Variants in FYB2 observed in about 807,000 individuals in gnomAD.
FYB2 encodes FYN-binding protein 2.
A neutral mutation model predicts 94.1 loss-of-function variants in FYB2; 103 were observed. That is an observed-to-expected ratio of 1.09 (90% confidence interval 0.93 to 1.29). The LOEUF (loss-of-function observed/expected upper bound fraction) is 1.29, where lower values mean the gene tolerates loss of function less well. Among genes scored for constraint, FYB2 ranks in the 50% most tolerant of loss-of-function variants. FYB2 has a pLI of 0.00. For missense variants in FYB2, 896 were observed against 841.5 expected, an observed-to-expected ratio of 1.06 and a Z score of -0.80; for synonymous variants, 293 against 287.9, an observed-to-expected ratio of 1.02 and a Z score of -0.18.
intron 15 of FYB2, 75 bp from the exon 16 acceptor site, chr1:56,726,658 G>A (rs956557588): frequency 8.4e-7 from 1 of 1,195,824 alleles, no homozygotes; most frequent in Non-Finnish European, 1.2e-6. Flanking sequence ...CACTTCATGG[G>A]CAATTATGTT....
intron 1 of FYB2, among the ~76,000 whole-genome samples, chr1:56,797,744 A>G (rs982465046): frequency 1.3e-5 from 2 of 152,112 alleles, no homozygotes; most frequent in Non-Finnish European, 2.9e-5. Context: ...TCCTAAAATA[A>G]TTTCTTGTAA....
At chr1:56,811,548 C>G (rs772034373) in intron 1 of FYB2, among the ~76,000 whole-genome samples, 9 of 152,164 alleles carry the variant, frequency 5.9e-5, no homozygotes, top group Non-Finnish European at 1.2e-4. Context: ...AGCCCTTGCT[C>G]CAGGTGGACC....
intron 1 of FYB2, among the ~76,000 whole-genome samples, chr1:56,795,574 G>T (rs917947383): frequency 2.6e-5 from 4 of 151,034 alleles, no homozygotes; most frequent in Admixed American, 6.6e-5. Context: ...CATAGCAACT[G>T]CACCATTTTA....
At chr1:56,819,903 G>A (rs1398185611), upstream of FYB2, among the ~76,000 whole-genome samples, 2 of 152,188 alleles carry the variant, frequency 1.3e-5, no homozygotes, top group South Asian at 2.1e-4. Flanking sequence ...TTGGCCTGGT[G>A]TTTATTGAGG....
chr1:56,819,019 T>C (rs1047725272), intron 1 of FYB2, among the ~76,000 whole-genome samples: 3 of 152,192 alleles, frequency 2.0e-5, no homozygotes, highest in African/African-American at 7.2e-5. Context: ...TGGGTAGAGC[T>C]AGGCCACATG....
Position 56,792,538 on chromosome 1 carries a change from T to C in FYB2, c.275A>G (p.Asn92Ser). ...AGACTTTCCCAGAGGCCCTGGGGAG[T>C]TAGAACATTTTGGAATTTCACTCTT... ...AQKSEIPKCS[N>S]SPGPLGKSTV... Residue 92 changes from asparagine (N) to serine (S), a missense_variant, in exon 2 of 20, where the codon AAC becomes AGC. Asn to Ser is a conservative substitution (Grantham distance 46). Coordinates refer to ENST00000343433, the MANE Select transcript of FYB2 (RefSeq NM_001004303.5). 1 of 1,613,894 alleles carries C rather than the reference T, an allele frequency of 6.2e-7. No individual in the cohort carries two copies. The highest frequency in any genetic ancestry group is 8.5e-7 in the Non-Finnish European group (1 of 1,179,960).
At chr1:56,771,928 T>A (rs891292667) in intron 4 of FYB2, among the ~76,000 whole-genome samples, 1 of 147,598 alleles carries the variant, frequency 6.8e-6, no homozygotes, top group Non-Finnish European at 1.5e-5. Flanking sequence ...TTTTGCATAG[T>A]TGCATATTTT....
chr1:56,723,043 A>C (rs1017832644), intron 17 of FYB2, among the ~76,000 whole-genome samples: 1 of 152,074 alleles, frequency 6.6e-6, no homozygotes, highest in Non-Finnish European at 1.5e-5. Context: ...CGGATGCTGC[A>C]TCATTCATTT....
intron 4 of FYB2, among the ~76,000 whole-genome samples, chr1:56,785,773 G>A (rs1412843750): frequency 6.6e-6 from 1 of 152,096 alleles, no homozygotes. Flanking sequence ...CCCATGCTGT[G>A]CTGCAAATGT....
chr1:56,792,019 T>A (rs200391570), intron 2 of FYB2, 37 bp downstream of exon 2: 270 of 1,522,158 alleles, frequency 1.8e-4, no homozygotes, highest in Non-Finnish European at 2.3e-4. Flanking sequence ...TGATGACACC[T>A]CCCTAGCCCC....
At chr1:56,729,460 A>G (rs1348025541) in intron 15 of FYB2, among the ~76,000 whole-genome samples, 3 of 152,114 alleles carry the variant, frequency 2.0e-5, no homozygotes, top group Non-Finnish European at 4.4e-5. Flanking sequence ...ATAGAGATCA[A>G]AAGGACCAGA....
rs542607021 is a variant in FYB2, at chr1:56,727,238, A to G, written c.1794-655T>C. On this transcript the variant is annotated intron_variant, in intron 15 of 19. Transcript: ENST00000343433. Reference sequence around the variant, plus strand: ...TACAAGGGAGGAAATGGATGAGCAGAGAGAATGAAATGGATAATCATAGTG... The same window carrying G: ...TACAAGGGAGGAAATGGATGAGCAGGGAGAATGAAATGGATAATCATAGTG... Among the ~76,000 whole-genome samples, 11 of 152,230 alleles carry G rather than the reference A, an allele frequency of 7.2e-5. No individual in the cohort carries two copies. The East Asian group carries it at 1.9e-3, about 27-fold the overall frequency.
upstream of FYB2, among the ~76,000 whole-genome samples, chr1:56,820,645 G>C (rs937106062): frequency 2.6e-5 from 4 of 152,228 alleles, no homozygotes; most frequent in African/African-American, 9.6e-5. Flanking sequence ...CTGATCACCA[G>C]AGCTGCCTGG....
intron 1 of FYB2, among the ~76,000 whole-genome samples, chr1:56,804,646 C>A (rs1353002489): frequency 6.6e-6 from 1 of 152,090 alleles, no homozygotes; most frequent in African/African-American, 2.4e-5. Context: ...GGGAGGATGG[C>A]TTGAACCCAG....
At chr1:56,803,217 C>G (rs1438443158) in intron 1 of FYB2, among the ~76,000 whole-genome samples, 1 of 152,078 alleles carries the variant, frequency 6.6e-6, no homozygotes, top group East Asian at 1.9e-4. Flanking sequence ...AACATGTTAC[C>G]ATTTCTATAG....
At chr1:56,820,447 C>T (rs1646978045), upstream of FYB2, among the ~76,000 whole-genome samples, 1 of 152,164 alleles carries the variant, frequency 6.6e-6, no homozygotes, top group Non-Finnish European at 1.5e-5. Flanking sequence ...TTTCAGCTCT[C>T]CCGGGGTTGG....
Position 56,738,625 on chromosome 1 carries a change from C to T in FYB2, c.1732G>A (p.Glu578Lys). ...SAFSILLPDLELKSQEVIIYD... is the reference protein window; with the variant it reads ...SAFSILLPDLKLKSQEVIIYD... Reference sequence around the variant, plus strand: ...TCTGCAATAAGCAAATGGCACTTACCTAAATCAGGCAGCAAAATGGAAAAT... The same window carrying T: ...TCTGCAATAAGCAAATGGCACTTACTTAAATCAGGCAGCAAAATGGAAAAT... The change falls in exon 14 of 20, where the codon GAA becomes AAA. Residue 578 changes from glutamate to lysine, a missense_variant and splice_region_variant. Glu to Lys is a moderately conservative substitution (Grantham distance 56). Coordinates refer to ENST00000343433, the MANE Select transcript of FYB2 (RefSeq NM_001004303.5). 6.2e-7 allele frequency: 1 copy of T among 1,610,010 alleles called. No individual in the cohort carries two copies. The highest frequency in any genetic ancestry group is 1.1e-5 in the South Asian group (1 of 90,334).
intron 9 of FYB2, among the ~76,000 whole-genome samples, chr1:56,745,135 A>G (rs373257278): frequency 1.2e-3 from 175 of 152,146 alleles, no homozygotes; most frequent in Middle Eastern, 3.4e-3. Flanking sequence ...AATTTCTCCA[A>G]TACAAAATAA....
chr1:56,726,462 G>C, intron 16 of FYB2, 35 bp downstream of exon 16: 3 of 1,574,836 alleles, frequency 1.9e-6, no homozygotes, highest in Admixed American at 1.8e-5. Flanking sequence ...AATTGCAGCA[G>C]ATAAGCTATA....
Sources: gnomAD v4.1 joint callset for allele counts (sites outside exome capture counted in the v4.1 genomes callset) on GRCh38, gnomAD v4.1.1 for gene constraint, MANE v1.5 for transcripts, NCBI Gene and HGNC (gene_info 2026-07-23, HGNC 2026-07-21) for gene names.